TMTC1: variants seen among roughly 807,000 people sequenced by gnomAD.
The protein encoded by TMTC1 is transmembrane O-mannosyltransferase targeting cadherins 1.
Under a neutral mutation model 104.8 loss-of-function variants are expected in TMTC1, and 73 were observed. That is an observed-to-expected ratio of 0.70 (90% CI 0.58 to 0.85). The LOEUF (loss-of-function observed/expected upper bound fraction) is 0.85, where lower values mean the gene tolerates loss of function less well. TMTC1 is among the 40% of genes least tolerant of loss of function. The probability of loss-of-function intolerance (pLI) is 0.00; values close to 1 mark genes in which losing one functional copy is unlikely to be tolerated. For synonymous variants in TMTC1, 434 were observed against 428.7 expected (o/e 1.01, Z -0.15); for missense variants, 1,035 against 1,096.1 (o/e 0.94, Z 0.79).
intron 7 of TMTC1, among the ~76,000 whole-genome samples, chr12:29,598,366 A>T (rs1049538462): frequency 6.6e-6 from 1 of 152,256 alleles, no homozygotes; most frequent in African/African-American, 2.4e-5. Context: ...TAAATCCTAC[A>T]GAATTGTTTC....
chr12:29,750,809 A>C (rs747690250), intron 5 of TMTC1, among the ~76,000 whole-genome samples: 3 of 152,264 alleles, frequency 2.0e-5, no homozygotes, highest in Non-Finnish European at 4.4e-5. Context: ...TGGTAAAATG[A>C]AACCAAGCTT....
chr12:29,542,353 T>C (rs1944825469), intron 10 of TMTC1, among the ~76,000 whole-genome samples: 1 of 152,092 alleles, frequency 6.6e-6, no homozygotes, highest in African/African-American at 2.4e-5. Context: ...GATCCCTGCA[T>C]AGGTAAAAAG....
chr12:29,772,238 G>A (rs946580910), intron 1 of TMTC1, among the ~76,000 whole-genome samples: 6 of 152,138 alleles, frequency 3.9e-5, no homozygotes, highest in Non-Finnish European at 5.9e-5. Context: ...GGGCCTACAC[G>A]GCTGCATGGA....
chr12:29,642,616 A>G (rs1226736846), intron 5 of TMTC1, among the ~76,000 whole-genome samples: 1 of 152,110 alleles, frequency 6.6e-6, no homozygotes, highest in Non-Finnish European at 1.5e-5. Context: ...CAAATCCTCA[A>G]ACAAATCAGT....
chr12:29,637,006 G>A (rs1054173799), intron 5 of TMTC1, among the ~76,000 whole-genome samples: 5 of 151,868 alleles, frequency 3.3e-5, no homozygotes, highest in African/African-American at 1.2e-4. Context: ...GCTGGAGTGA[G>A]CAGTGATTGT....
chr12:29,617,086 C>T (rs551159428), intron 6 of TMTC1, among the ~76,000 whole-genome samples: 1 of 151,914 alleles, frequency 6.6e-6, no homozygotes, highest in Non-Finnish European at 1.5e-5. Flanking sequence ...TACATATTCC[C>T]TACATATTTC....
At chr12:29,617,115 A>T (rs577859790) in intron 6 of TMTC1, among the ~76,000 whole-genome samples, 1 of 152,000 alleles carries the variant, frequency 6.6e-6, no homozygotes, top group East Asian at 1.9e-4. Context: ...GTTTCAAAAA[A>T]CTTTGTCAGT....
Position 29,768,369 on chromosome 12 carries a change from A to G in TMTC1, c.303-294T>C, listed in dbSNP as rs138390797. ...GCTGAGCCTGTTTTTCCATCACTCCATGGCTAATGCAAATATGCCCCCTTA... is the reference window on the plus strand; with the variant it reads ...GCTGAGCCTGTTTTTCCATCACTCCGTGGCTAATGCAAATATGCCCCCTTA... On this transcript the variant is annotated intron_variant, in intron 1 of 17. Transcript: ENST00000539277. 4.6e-5 allele frequency among the ~76,000 whole-genome samples: 7 copies of G among 152,280 alleles called. No individual in the cohort carries two copies. In the East Asian group the frequency reaches 1.2e-3, roughly 25 times the overall value.
At chr12:29,650,219 G>C (rs1939452219) in intron 5 of TMTC1, among the ~76,000 whole-genome samples, 1 of 151,776 alleles carries the variant, frequency 6.6e-6, no homozygotes, top group South Asian at 2.1e-4. Context: ...CGAGTAGCTG[G>C]GATTATAGAC....
intron 9 of TMTC1, among the ~76,000 whole-genome samples, chr12:29,563,967 G>C (rs1319280481): frequency 6.6e-6 from 1 of 152,070 alleles, no homozygotes; most frequent in Admixed American, 6.6e-5. Context: ...CATTCACCAA[G>C]GTTTTTCCAG....
chr12:29,773,546 G>T (rs1423033534), intron 1 of TMTC1, among the ~76,000 whole-genome samples: 1 of 152,090 alleles, frequency 6.6e-6, no homozygotes, highest in African/African-American at 2.4e-5. Flanking sequence ...CTACCTCAAG[G>T]AACTGGCATA....
At chr12:29,660,775 A>AGT (rs1251557826) in intron 5 of TMTC1, 5 of 812,472 alleles carry the variant, frequency 6.2e-6, no homozygotes, top group Non-Finnish European at 8.2e-6. Context: ...ATATTTCAAA[A>AGT]GTATATATAT....
chr12:29,654,915 T>C (rs1253234959), intron 5 of TMTC1, among the ~76,000 whole-genome samples: 1 of 152,132 alleles, frequency 6.6e-6, no homozygotes, highest in African/African-American at 2.4e-5. Context: ...AATGGAGTCT[T>C]GCTCTGTCAC....
At position 29,636,080 on chromosome 12, in the gene TMTC1, G is replaced by A. The variant is rs551628980; in HGVS notation, c.939-2744C>T. Among the ~76,000 whole-genome samples, 109 of 152,260 alleles carry A rather than the reference G, an allele frequency of 7.2e-4. 1 individual carries two copies. The highest frequency in any genetic ancestry group is 1.1e-3 in the Non-Finnish European group (73 of 68,022). On this transcript the variant is annotated intron_variant, in intron 5 of 17. Coordinates refer to ENST00000539277, the MANE Select transcript of TMTC1 (RefSeq NM_001193451.2). ...TGTGGTAATTTTTTTAAGAGTGCTC[G>A]TCTTTTAGAAATACATACTAACATA...
chr12:29,505,908 G>A lies in TMTC1; in HGVS notation c.*938C>T. ...GATACATCATAAAGGTTCCTCAATG[G>A]TTCAATATATTTTTCAAAAAAATAA... is the stretch of plus-strand genomic sequence containing the variant. On this transcript the variant is annotated 3_prime_UTR_variant, in exon 18 of 18. Coordinates refer to ENST00000539277, the MANE Select transcript of TMTC1 (RefSeq NM_001193451.2). 6.6e-6 allele frequency: 1 copy of A among 151,678 alleles called. No individual in the cohort carries two copies. The highest frequency in any genetic ancestry group is 1.9e-4 in the East Asian group (1 of 5,174). 9.4% of individuals were successfully genotyped at this position (151,678 alleles called of 1,614,324 possible).
At chr12:29,774,118 C>G (rs1447714940) in intron 1 of TMTC1, among the ~76,000 whole-genome samples, 1 of 152,112 alleles carries the variant, frequency 6.6e-6, no homozygotes, top group Admixed American at 6.6e-5. Context: ...CTACATTATG[C>G]CAGGGAGATT....
chr12:29,681,757 A>G (rs1361649981), intron 5 of TMTC1, among the ~76,000 whole-genome samples: 1 of 151,910 alleles, frequency 6.6e-6, no homozygotes, highest in Non-Finnish European at 1.5e-5. Flanking sequence ...GAGACTTTAG[A>G]GGCATATCAA....
chr12:29,536,331 T>G lies in TMTC1; in HGVS notation c.1677-14A>C. 1 of 1,497,004 alleles carries G rather than the reference T, an allele frequency of 6.7e-7. No individual in the cohort carries two copies. Among genetic ancestry groups the G allele is most frequent in the East Asian group, 2.3e-5 (1 of 44,200 alleles). The allele number at this position is 1,497,004 out of a possible 1,614,324, so 92.7% of individuals were successfully genotyped here. A position where few individuals can be genotyped will look rare whatever the true frequency, so the allele number is the denominator to read the frequency against. ...TTCTCCTGGGACCTATAGATAATAA[T>G]GAAGGGGTGGGGGAGAACATCTTTT... On this transcript the variant is annotated splice_polypyrimidine_tract_variant and intron_variant, in intron 10 of 17. Coordinates refer to ENST00000539277, the MANE Select transcript of TMTC1 (RefSeq NM_001193451.2).
chr12:29,609,585 C>T (rs1946790352), intron 6 of TMTC1, among the ~76,000 whole-genome samples: 1 of 152,354 alleles, frequency 6.6e-6, no homozygotes, highest in Non-Finnish European at 1.5e-5. Context: ...CACAAAAGCC[C>T]TTATGTCTAC....
Sources: allele counts gnomAD v4.1 joint callset (sites outside exome capture counted in the v4.1 genomes callset), GRCh38; gene constraint gnomAD v4.1.1; transcripts MANE v1.5; gene names NCBI Gene and HGNC (gene_info 2026-07-23, HGNC 2026-07-21).